PDSS2: variants seen among roughly 807,000 people sequenced by gnomAD.
PDSS2 encodes all trans-polyprenyl-diphosphate synthase PDSS2.
Under a neutral mutation model 44.5 loss-of-function variants are expected in PDSS2, and 31 were observed. The ratio of observed to expected loss-of-function variants is 0.70; its 90% CI spans 0.52 to 0.94. PDSS2 has a LOEUF of 0.94. Ranked by LOEUF, PDSS2 falls within the 40% of genes least tolerant of loss-of-function variation. The pLI, the probability that PDSS2 is intolerant of heterozygous loss-of-function variation, is 0.00. For synonymous variants in PDSS2, 157 were observed against 180.3 expected (o/e 0.87, Z 1.03); for missense variants, 452 against 482.2 (o/e 0.94, Z 0.59).
chr6:107,188,618 C>A (rs1772259519), intron 7 of PDSS2, among the ~76,000 whole-genome samples: 1 of 152,084 alleles, frequency 6.6e-6, no homozygotes, highest in Non-Finnish European at 1.5e-5. Context: ...AAGTGGCCTC[C>A]ATTGTTGGAG....
intron 1 of PDSS2, among the ~76,000 whole-genome samples, chr6:107,455,226 C>A (rs17511672): frequency 2.7e-5 from 4 of 147,898 alleles, no homozygotes; most frequent in Non-Finnish European, 4.5e-5. Flanking sequence ...ATCTAGGATG[C>A]CTCTGGTGGC....
At chr6:107,259,351 G>T (rs1775134882) in intron 3 of PDSS2, among the ~76,000 whole-genome samples, 1 of 151,900 alleles carries the variant, frequency 6.6e-6, no homozygotes, top group African/African-American at 2.4e-5. Flanking sequence ...TGGCTTATTG[G>T]GGGATAAAAA....
chr6:107,334,370 C>G, intron 1 of PDSS2, 38 bp from the exon 2 acceptor site: 1 of 1,596,242 alleles, frequency 6.3e-7, no homozygotes, highest in Non-Finnish European at 8.6e-7. Context: ...TTAATATACC[C>G]TCACGAGATC....
chr6:107,396,685 T>C (rs796340400), intron 1 of PDSS2, among the ~76,000 whole-genome samples: 11 of 141,134 alleles, frequency 7.8e-5, no homozygotes, highest in African/African-American at 1.9e-4. Flanking sequence ...TTTCTTTTTT[T>C]TTTTTTTTTT....
intron 7 of PDSS2, among the ~76,000 whole-genome samples, chr6:107,185,630 G>A (rs149880093): frequency 6.6e-6 from 1 of 152,252 alleles, no homozygotes; most frequent in African/African-American, 2.4e-5. Flanking sequence ...GACGTTTGTC[G>A]ATGTTTTTCT....
intron 1 of PDSS2, among the ~76,000 whole-genome samples, chr6:107,344,629 C>G (rs531594505): frequency 6.6e-6 from 1 of 152,110 alleles, no homozygotes; most frequent in East Asian, 1.9e-4. Flanking sequence ...AGACAGGTGC[C>G]TGGAAGGAAA....
At chr6:107,288,127 G>A (rs1037526126) in intron 2 of PDSS2, among the ~76,000 whole-genome samples, 39 of 152,168 alleles carry the variant, frequency 2.6e-4, no homozygotes, top group Admixed American at 1.2e-3. Flanking sequence ...GGGATTACAG[G>A]CATGAGCCAC....
chr6:107,153,344 G>A lies in PDSS2; in HGVS notation c.*1275C>T, dbSNP rs782285947. The A allele has an allele frequency of 6.6e-6, 1 of 152,528 alleles. No individual in the cohort carries two copies. The highest frequency in any genetic ancestry group is 1.5e-5 in the Non-Finnish European group (1 of 68,024). 9.4% of individuals were successfully genotyped at this position (152,528 alleles called of 1,614,324 possible). A position where few individuals can be genotyped will look rare whatever the true frequency, so the allele number is the denominator to read the frequency against. On this transcript the variant is annotated 3_prime_UTR_variant, in exon 8 of 8. Coordinates refer to ENST00000369037, the MANE Select transcript of PDSS2 (RefSeq NM_020381.4). Reference sequence around the variant, plus strand: ...AATCATCTCCTATGAACCACACAGAGACAGTGTCCGATTGCAGGCCTGTGA... The same window carrying A: ...AATCATCTCCTATGAACCACACAGAAACAGTGTCCGATTGCAGGCCTGTGA...
At chr6:107,199,669 T>G (rs1426657330) in intron 6 of PDSS2, among the ~76,000 whole-genome samples, 1 of 152,240 alleles carries the variant, frequency 6.6e-6, no homozygotes, top group East Asian at 1.9e-4. Context: ...AAATTTTCTC[T>G]TGCTCACAAC....
At chr6:107,261,084 C>G (rs1215761242) in intron 3 of PDSS2, among the ~76,000 whole-genome samples, 1 of 152,212 alleles carries the variant, frequency 6.6e-6, no homozygotes, top group Non-Finnish European at 1.5e-5. Context: ...ACCTGAGGAA[C>G]TTTCTGAGTT....
At chr6:107,372,056 A>G (rs2500563) in intron 1 of PDSS2, among the ~76,000 whole-genome samples, 72,824 of 152,028 alleles carry the variant, frequency 0.48, 19,458 homozygotes, top group Middle Eastern at 0.73. Context: ...CATTTTACAC[A>G]ATAGAGATTT....
chr6:107,211,598 CAT>C (rs2114631554), intron 5 of PDSS2, among the ~76,000 whole-genome samples: 1 of 152,050 alleles, frequency 6.6e-6, no homozygotes, highest in Admixed American at 6.5e-5. Context: ...GGCGTGGTGG[CAT>C]GTGCCTGTAA....
At chr6:107,210,910 C>T (rs998528472) in intron 5 of PDSS2, among the ~76,000 whole-genome samples, 3 of 151,160 alleles carry the variant, frequency 2.0e-5, no homozygotes, top group Admixed American at 6.6e-5. Flanking sequence ...GCAGGAGAAT[C>T]GCTTGAACCT....
chr6:107,296,191 C>A (rs1036367420), intron 2 of PDSS2, among the ~76,000 whole-genome samples: 1 of 152,020 alleles, frequency 6.6e-6, no homozygotes, highest in African/African-American at 2.4e-5. Context: ...GACTTCAGGG[C>A]CATTTGCACT....
At chr6:107,277,984 A>AG (rs1775843355) in intron 2 of PDSS2, among the ~76,000 whole-genome samples, 1 of 151,242 alleles carries the variant, frequency 6.6e-6, no homozygotes, top group Non-Finnish European at 1.5e-5. Flanking sequence ...AAATAAAATA[A>AG]ATAAATAAAT....
At position 107,389,278 on chromosome 6, in the gene PDSS2, G is replaced by A. The variant is rs573523027; in HGVS notation, c.297-54946C>T. Among the ~76,000 whole-genome samples, 27 of 152,274 alleles carry A rather than the reference G, an allele frequency of 1.8e-4. 1 individual carries two copies. In the South Asian group the frequency reaches 5.6e-3, roughly 32 times the overall value. On this transcript the variant is annotated intron_variant, in intron 1 of 7. Coordinates refer to ENST00000369037, the MANE Select transcript of PDSS2 (RefSeq NM_020381.4). ...GCATTCCCAGGATGGAATGTAGACT[G>A]TGAAAAAGAACCTAACTATTATAAA...
At chr6:107,271,237 C>T (rs572605254) in intron 3 of PDSS2, among the ~76,000 whole-genome samples, 2 of 152,138 alleles carry the variant, frequency 1.3e-5, no homozygotes, top group South Asian at 4.1e-4. Flanking sequence ...AATATACATT[C>T]CTTATTAACT....
At chr6:107,342,808 A>T (rs1451451322) in intron 1 of PDSS2, among the ~76,000 whole-genome samples, 1 of 152,214 alleles carries the variant, frequency 6.6e-6, no homozygotes, top group Non-Finnish European at 1.5e-5. Context: ...TGATAAATTT[A>T]TAATCAAATA....
At chr6:107,433,259 G>GA (rs35444996) in intron 1 of PDSS2, among the ~76,000 whole-genome samples, 103,020 of 146,178 alleles carry the variant, frequency 0.7, 36,651 homozygotes, top group Non-Finnish European at 0.79. Context: ...CACAGAAACA[G>GA]AAAAAAAAAA....
Sources: allele counts gnomAD v4.1 joint callset (sites outside exome capture counted in the v4.1 genomes callset), GRCh38; gene constraint gnomAD v4.1.1; transcripts MANE v1.5; gene names NCBI Gene and HGNC (gene_info 2026-07-23, HGNC 2026-07-21).